TAF3: variants seen among roughly 807,000 people sequenced by gnomAD.
The protein encoded by TAF3 is transcription initiation factor TFIID subunit 3.
TAF3 carries 7 observed loss-of-function variants against 80.6 expected under a neutral mutation model. The observed-to-expected ratio is 0.09, with a 90% CI of 0.05 to 0.16. The LOEUF (loss-of-function observed/expected upper bound fraction) is 0.16, where lower values mean the gene tolerates loss of function less well. Among genes scored for constraint, TAF3 ranks in the 10% least tolerant of loss-of-function variants. TAF3 has a pLI of 1.00. For synonymous variants in TAF3, 444 were observed against 446.1 expected, an observed-to-expected ratio of 1.00 and a Z score of 0.06; for missense variants, 921 against 1,140.2, an observed-to-expected ratio of 0.81 and a Z score of 2.77.
At chr10:7,901,164 A>G (rs1564359812) in intron 2 of TAF3, among the ~76,000 whole-genome samples, 1 of 152,318 alleles carries the variant, frequency 6.6e-6, no homozygotes, top group Middle Eastern at 3.4e-3. Context: ...ATTTTATTAA[A>G]GCTATTTGTA....
At position 8,009,138 on chromosome 10, in the gene TAF3, G is replaced by A. The variant is rs1427610583; in HGVS notation, c.2376G>A (p.Pro792=). 4 of 1,594,484 alleles carry A rather than the reference G, an allele frequency of 2.5e-6. No individual in the cohort carries two copies. The highest frequency in any genetic ancestry group is 3.4e-6 in the Non-Finnish European group (4 of 1,171,390). Residue 792 remains proline, a synonymous_variant, in exon 5 of 7, where the codon CCG becomes CCA. Coordinates refer to ENST00000344293, the MANE Select transcript of TAF3 (RefSeq NM_031923.4). The surrounding 1 kb of genome is among the most constrained non-coding windows in gnomAD (Gnocchi z 4.1). Reference sequence around the variant, plus strand: ...AGCCGGCGCCCTCGCAGAACAGGCCGAAGACCCCACCGCCGGCCCCCGCGC... The same window carrying A: ...AGCCGGCGCCCTCGCAGAACAGGCCAAAGACCCCACCGCCGGCCCCCGCGC... ...EAKPAPSQNR[P]KTPPPAPAPA...
At chr10:8,013,536 C>A (rs1326991470) in intron 5 of TAF3, among the ~76,000 whole-genome samples, 195 bp from the exon 6 acceptor site, 1 of 152,242 alleles carries the variant, frequency 6.6e-6, no homozygotes, top group South Asian at 2.1e-4. Context: ...GAACACTTAG[C>A]GTTTTTCTGT....
intron 2 of TAF3, among the ~76,000 whole-genome samples, chr10:7,893,873 C>A (rs1023655100): frequency 1.4e-4 from 21 of 151,822 alleles, no homozygotes; most frequent in Non-Finnish European, 2.5e-4. Context: ...TTCTATATAC[C>A]CATATTCATT....
chr10:7,986,069 C>G (rs2131425073), intron 4 of TAF3, among the ~76,000 whole-genome samples: 1 of 152,268 alleles, frequency 6.6e-6, no homozygotes, highest in South Asian at 2.1e-4. Context: ...CAGGCATGAG[C>G]CCCCATGCCC....
intron 2 of TAF3, among the ~76,000 whole-genome samples, chr10:7,866,267 A>G (rs1218069714): frequency 1.3e-5 from 2 of 152,212 alleles, no homozygotes; most frequent in African/African-American, 4.8e-5. Context: ...ATAAATAGGC[A>G]GGCTCTGCTT....
chr10:7,846,645 A>G (rs1222915463), intron 2 of TAF3, among the ~76,000 whole-genome samples: 1 of 152,220 alleles, frequency 6.6e-6, no homozygotes, highest in Non-Finnish European at 1.5e-5. Context: ...CATTTAAAAA[A>G]ACTGAAAAAA....
At chr10:7,846,547 G>A (rs532697097) in intron 2 of TAF3, among the ~76,000 whole-genome samples, 1 of 152,136 alleles carries the variant, frequency 6.6e-6, no homozygotes, top group East Asian at 1.9e-4. Flanking sequence ...AACTATTACA[G>A]TTTTGAGTGG....
intron 2 of TAF3, among the ~76,000 whole-genome samples, chr10:7,877,821 G>A (rs765900811): frequency 6.6e-6 from 1 of 152,082 alleles, no homozygotes; most frequent in Non-Finnish European, 1.5e-5. Flanking sequence ...TTAACCACAT[G>A]CTCAATTCTG....
intron 2 of TAF3, among the ~76,000 whole-genome samples, chr10:7,825,125 T>G (rs768925718): frequency 1.3e-5 from 2 of 152,212 alleles, no homozygotes; most frequent in Non-Finnish European, 2.9e-5. Flanking sequence ...CCTTTTTTCC[T>G]GCATAATTTT....
chr10:7,821,446 A>C (rs1836689711), intron 1 of TAF3, among the ~76,000 whole-genome samples: 1 of 152,192 alleles, frequency 6.6e-6, no homozygotes, highest in Non-Finnish European at 1.5e-5. Flanking sequence ...ACTAAGATAC[A>C]ATCCCTGACC....
At chr10:7,873,189 C>T (rs1237840934) in intron 2 of TAF3, among the ~76,000 whole-genome samples, 2 of 151,828 alleles carry the variant, frequency 1.3e-5, no homozygotes, top group South Asian at 2.1e-4. Flanking sequence ...AATCTTTAAT[C>T]GATAGCCATA....
rs1554789953 is a variant in TAF3, at chr10:8,014,703, C to G, written c.2742C>G (p.Asn914Lys). ...EMQWFCPKCA[N>K]KKKDKKHKKR... Reference sequence around the variant, plus strand: ...AGTGGTTCTGCCCCAAGTGTGCGAACAAGAAGAAGGACAAAAAGCACAAGA... The same window carrying G: ...AGTGGTTCTGCCCCAAGTGTGCGAAGAAGAAGAAGGACAAAAAGCACAAGA... The change falls in exon 7 of 7, where the codon AAC becomes AAG. Residue 914 changes from asparagine (N) to lysine (K), a missense_variant. Around this residue, in one of 6 missense-constraint regions of TAF3, gnomAD observed 29 missense variants for 20.3 expected, o/e 1.43. Coordinates refer to ENST00000344293, the MANE Select transcript of TAF3 (RefSeq NM_031923.4). 4.3e-6 allele frequency: 7 copies of G among 1,611,106 alleles called. No individual in the cohort carries two copies. In the East Asian group the frequency reaches 1.6e-4, roughly 36 times the overall value.
At position 7,841,951 on chromosome 10, in the gene TAF3, G is replaced by T. The variant is rs866859625; in HGVS notation, c.409+17391G>T. Among the ~76,000 whole-genome samples the T allele has an allele frequency of 3.3e-5, 5 of 152,200 alleles. No individual in the cohort carries two copies. In the South Asian group the frequency reaches 1.0e-3, roughly 32 times the overall value. On this transcript the variant is annotated intron_variant, in intron 2 of 6. Transcript: ENST00000344293. ...GAACCTCGTACCCAGGGCAGACTTG[G>T]TTGCTTATGTTAAGGGCAGCAGGTA... is the stretch of plus-strand genomic sequence containing the variant.
intron 2 of TAF3, among the ~76,000 whole-genome samples, chr10:7,843,422 T>C (rs1340314227): frequency 2.0e-5 from 3 of 152,210 alleles, no homozygotes; most frequent in Non-Finnish European, 4.4e-5. Context: ...AGTCATCTTT[T>C]AAATGTCTGC....
At chr10:7,916,221 A>G (rs967481351) in intron 2 of TAF3, among the ~76,000 whole-genome samples, 3 of 152,182 alleles carry the variant, frequency 2.0e-5, no homozygotes, top group African/African-American at 7.2e-5. Flanking sequence ...GGATTATTAC[A>G]TTATGTCTTT....
At chr10:7,844,121 G>A (rs2802457) in intron 2 of TAF3, among the ~76,000 whole-genome samples, 71,498 of 151,890 alleles carry the variant, frequency 0.47, 17,069 homozygotes, top group South Asian at 0.64. Flanking sequence ...GAATAGTTAC[G>A]TATGAATATA....
intron 2 of TAF3, among the ~76,000 whole-genome samples, chr10:7,835,725 TG>T (rs1836845459): frequency 6.6e-6 from 1 of 152,196 alleles, no homozygotes; most frequent in Admixed American, 6.5e-5. Context: ...AGCAGAGGCC[TG>T]GTGGCCCTTT....
intron 1 of TAF3, 35 bp downstream of exon 1, chr10:7,818,910 G>C: frequency 7.3e-7 from 1 of 1,371,540 alleles, no homozygotes; most frequent in Non-Finnish European, 9.4e-7. Flanking sequence ...GGGCTGCCCC[G>C]GCAAGTCAAG....
chr10:7,856,499 G>T (rs1395643312), intron 2 of TAF3, among the ~76,000 whole-genome samples: 3 of 152,012 alleles, frequency 2.0e-5, no homozygotes, highest in African/African-American at 7.2e-5. Context: ...TAAAAAAATA[G>T]ATTTTAAAAG....
Sources: allele counts gnomAD v4.1 joint callset (sites outside exome capture counted in the v4.1 genomes callset), GRCh38; gene constraint gnomAD v4.1.1; regional missense constraint gnomAD v4.1.1; non-coding constraint Gnocchi (gnomAD v3.1); transcripts MANE v1.5; gene names NCBI Gene and HGNC (gene_info 2026-07-23, HGNC 2026-07-21).